Variants in POLI observed in about 807,000 individuals in gnomAD.
POLI encodes RAD30 homolog B.
Under a neutral mutation model 51.6 loss-of-function variants are expected in POLI, and 58 were observed. The observed-to-expected ratio is 1.12, with a 90% CI of 0.91 to 1.40. POLI has a LOEUF of 1.40. POLI is among the 40% of genes most tolerant of loss of function. The pLI is 0.00. For missense variants in POLI, 921 were observed against 871.3 expected (o/e 1.06, Z -0.72); for synonymous variants, 322 against 299.7 (o/e 1.07, Z -0.77).
downstream of POLI, among the ~76,000 whole-genome samples, chr18:54,298,982 T>A (rs1015015460): frequency 2.0e-5 from 3 of 152,134 alleles, no homozygotes; most frequent in Non-Finnish European, 2.9e-5. Context: ...GACAATGTGG[T>A]TATGCTCAGA....
In POLI at chr18:54,269,558, GGGGGT is replaced by G; in HGVS notation, c.15_19del (p.Val6AlafsTer35). The G allele has an allele frequency of 6.6e-7, 1 of 1,503,914 alleles. No homozygotes were observed. Among genetic ancestry groups the G allele is most frequent in the Non-Finnish European group, 8.8e-7 (1 of 1,132,464 alleles). The allele number at this position is 1,503,914 out of a possible 1,614,324, so 93.2% of individuals were successfully genotyped here. ...TTGGCAGCGGCGGGATGGAGAAGCT[GGGGGT>G]GGAGCCGGAGGAGGAAGGCGGCGGC... is the stretch of plus-strand genomic sequence containing the variant. On this transcript the variant is annotated frameshift_variant, in exon 1 of 10. Transcript: ENST00000579534. LOFTEE classifies it high-confidence loss of function.
At chr18:54,299,461 A>G (rs1213016293), downstream of POLI, among the ~76,000 whole-genome samples, 2 of 152,192 alleles carry the variant, frequency 1.3e-5, no homozygotes, top group Non-Finnish European at 2.9e-5. Context: ...AGCCTGTTTT[A>G]TAATAAAATG....
chr18:54,280,341 G>A (rs1423025212), intron 4 of POLI, among the ~76,000 whole-genome samples: 1 of 152,146 alleles, frequency 6.6e-6, no homozygotes, highest in Non-Finnish European at 1.5e-5. Flanking sequence ...GCTGGGGGAG[G>A]TGCCAGGCTC....
At chr18:54,286,444 C>A (rs3730764) in intron 7 of POLI, among the ~76,000 whole-genome samples, 27,934 of 151,780 alleles carry the variant, frequency 0.18, 2,756 homozygotes, top group Middle Eastern at 0.25. Context: ...ATAGTATATG[C>A]TCTTTTAAGA....
chr18:54,309,091 G>A (rs991064715), intron 3 of POLI, among the ~76,000 whole-genome samples: 2 of 152,140 alleles, frequency 1.3e-5, no homozygotes, highest in African/African-American at 4.8e-5. Flanking sequence ...CTGTCAACTC[G>A]TCAAAGTCAT....
intron 3 of POLI, among the ~76,000 whole-genome samples, chr18:54,275,568 T>G (rs767141687): frequency 8.5e-5 from 13 of 152,180 alleles, no homozygotes; most frequent in Non-Finnish European, 1.3e-4. Flanking sequence ...TACAAAGTCA[T>G]GTATCATGTT....
At chr18:54,302,382 A>G (rs979069531), downstream of POLI, among the ~76,000 whole-genome samples, 2 of 152,140 alleles carry the variant, frequency 1.3e-5, no homozygotes, top group African/African-American at 4.8e-5. Flanking sequence ...CCTCTAGAGG[A>G]GAGTAAAAAA....
chr18:54,294,577 A>G lies in POLI; in HGVS notation c.*110A>G. The G allele has an allele frequency of 2.2e-6, 3 of 1,376,648 alleles. No homozygotes were observed. Among genetic ancestry groups the G allele is most frequent in the Non-Finnish European group, 2.8e-6 (3 of 1,069,954 alleles). The allele number at this position is 1,376,648 out of a possible 1,614,324, so 85.3% of individuals were successfully genotyped here. ...CTAATAGATATTCAATAACGGAGTA[A>G]ACTGTTCCAGATAAAGCAAGAATAG... On this transcript the variant is annotated 3_prime_UTR_variant, in exon 10 of 10. Coordinates refer to ENST00000579534, the MANE Select transcript of POLI (RefSeq NM_007195.3).
chr18:54,305,048 A>G (rs144219633), intron 3 of POLI, among the ~76,000 whole-genome samples: 38,464 of 151,952 alleles, frequency 0.25, 5,084 homozygotes, highest in Middle Eastern at 0.3. Context: ...TTTTTGTCAG[A>G]TTTGTCAAAG....
intron 7 of POLI, among the ~76,000 whole-genome samples, chr18:54,286,787 T>C (rs957252185): frequency 6.6e-5 from 10 of 152,038 alleles, no homozygotes; most frequent in African/African-American, 1.9e-4. Flanking sequence ...CTACTAAAAA[T>C]ACAAAAATTA....
intron 6 of POLI, chr18:54,283,666 T>G (rs2087616233): frequency 4.8e-6 from 1 of 209,410 alleles, no homozygotes; most frequent in Non-Finnish European, 9.5e-6. Flanking sequence ...TTTAGAGTTT[T>G]CATAACTTTG....
chr18:54,312,047 C>T (rs543458513), intron 3 of POLI, among the ~76,000 whole-genome samples: 9 of 152,236 alleles, frequency 5.9e-5, no homozygotes, highest in African/African-American at 2.2e-4. Flanking sequence ...ATGAATCCAT[C>T]ACCCAGATAG....
At chr18:54,315,837 C>T (rs990063833) in intron 3 of POLI, among the ~76,000 whole-genome samples, 1 of 151,900 alleles carries the variant, frequency 6.6e-6, no homozygotes. Context: ...CTTTGAGCCT[C>T]TGTGTGTCAT....
intron 3 of POLI, among the ~76,000 whole-genome samples, chr18:54,306,423 G>A (rs1288255607): frequency 2.0e-5 from 3 of 152,308 alleles, no homozygotes; most frequent in East Asian, 3.9e-4. Context: ...CAGGGATGAA[G>A]CCCACTTGAT....
downstream of POLI, among the ~76,000 whole-genome samples, chr18:54,301,508 C>T (rs1333753820): frequency 2.0e-5 from 3 of 152,154 alleles, no homozygotes; most frequent in Non-Finnish European, 2.9e-5. Flanking sequence ...AAACAATGTA[C>T]ATTCAGGAGA....
chr18:54,277,946 C>G (rs1202163428), intron 4 of POLI, 91 bp downstream of exon 4: 3 of 992,804 alleles, frequency 3.0e-6, no homozygotes, highest in South Asian at 1.8e-5. Flanking sequence ...CTGAAAGATT[C>G]ATGACTTTTG....
chr18:54,269,541 G>C lies in POLI; in HGVS notation c.-6G>C. 6.6e-7 allele frequency: 1 copy of C among 1,506,482 alleles called. No individual in the cohort carries two copies. Among genetic ancestry groups the C allele is most frequent in the South Asian group, 1.2e-5 (1 of 80,100 alleles). The allele number at this position is 1,506,482 out of a possible 1,614,324, so 93.3% of individuals were successfully genotyped here. On this transcript the variant is annotated 5_prime_UTR_variant, in exon 1 of 10. Transcript: ENST00000579534. The stretch of plus-strand genomic sequence containing the variant: ...CGGAAGTAGCGCTGCGGTTGGCAGC[G>C]GCGGGATGGAGAAGCTGGGGGTGGA...
In POLI at chr18:54,294,029, C is replaced by A. The variant is rs1161410835; in HGVS notation, c.1785C>A (p.Ser595=). The change falls in exon 10 of 10, where the codon TCC becomes TCA. Residue 595 remains serine (S), a synonymous_variant. Transcript: ENST00000579534. ...ATTTATCCAGTAGCAAACAGGTATC[C>A]TCTGTATCTCCTTGTGAACCGGGAA... ...RDHLSSSKQV[S]SVSPCEPGTS... 2 of 1,613,352 alleles carry A rather than the reference C, an allele frequency of 1.2e-6. No individual in the cohort carries two copies. Among genetic ancestry groups the A allele is most frequent in the Non-Finnish European group, 1.7e-6 (2 of 1,179,572 alleles).
At chr18:54,292,879 T>G (rs900684149) in intron 9 of POLI, among the ~76,000 whole-genome samples, 1 of 152,068 alleles carries the variant, frequency 6.6e-6, no homozygotes, top group East Asian at 1.9e-4. Context: ...TCTGTGAAAT[T>G]GGAATTAAAA....
Sources: gnomAD v4.1 joint callset for allele counts (sites outside exome capture counted in the v4.1 genomes callset) on GRCh38, gnomAD v4.1.1 for gene constraint, MANE v1.5 for transcripts, NCBI Gene and HGNC (gene_info 2026-07-23, HGNC 2026-07-21) for gene names.